ALK: variants seen among roughly 807,000 people sequenced by gnomAD.
ALK encodes ALK receptor tyrosine kinase, also known as ALK tyrosine kinase receptor.
Under a neutral mutation model 163.1 loss-of-function variants are expected in ALK, and 74 were observed. The observed-to-expected ratio is 0.45, with a 90% confidence interval of 0.38 to 0.55. ALK has a LOEUF of 0.55. Ranked by LOEUF, ALK falls within the 20% of genes least tolerant of loss-of-function variation. The pLI is 0.00. For missense variants in ALK, 2,063 were observed against 2,105.3 expected, an observed-to-expected ratio of 0.98 and a Z score of 0.39; for synonymous variants, 960 against 843.2, an observed-to-expected ratio of 1.14 and a Z score of -2.40.
At chr2:29,571,620 T>TTTTTTTTTTTTTTTTTTA (rs1674374345) in intron 3 of ALK, among the ~76,000 whole-genome samples, 1 of 113,374 alleles carries the variant, frequency 8.8e-6, no homozygotes, top group African/African-American at 3.2e-5. Flanking sequence ...TTTTTTTTTT[T>TTTTTTTTTTTTTTTTTTA]TTTTTTTTTT....
At chr2:29,218,261 C>T (rs1569157) in intron 23 of ALK, among the ~76,000 whole-genome samples, 4 of 152,276 alleles carry the variant, frequency 2.6e-5, no homozygotes, top group South Asian at 2.1e-4. Context: ...AGAGGAAAAG[C>T]GGGGCCAAGG....
At chr2:29,379,490 G>C (rs755449171) in intron 5 of ALK, among the ~76,000 whole-genome samples, 24 of 152,236 alleles carry the variant, frequency 1.6e-4, no homozygotes, top group East Asian at 1.9e-4. Flanking sequence ...CTTCAAGTTA[G>C]GATCCCAAAA....
intron 1 of ALK, among the ~76,000 whole-genome samples, chr2:29,749,359 C>T (rs1029405005): frequency 4.6e-5 from 7 of 152,218 alleles, no homozygotes; most frequent in African/African-American, 1.4e-4. Flanking sequence ...AACCCACACT[C>T]ATTATGAAAT....
At chr2:29,459,465 A>G (rs970902049) in intron 4 of ALK, among the ~76,000 whole-genome samples, 1 of 152,140 alleles carries the variant, frequency 6.6e-6, no homozygotes, top group Non-Finnish European at 1.5e-5. Context: ...ACTTGGGAAC[A>G]TAAGTCCCTA....
chr2:29,722,594 T>C (rs1679453242), intron 1 of ALK, among the ~76,000 whole-genome samples: 1 of 152,230 alleles, frequency 6.6e-6, no homozygotes, highest in South Asian at 2.1e-4. Flanking sequence ...TTGTTAAAAG[T>C]TGAAGAACTT....
chr2:29,838,009 G>T (rs1159701105), intron 1 of ALK, among the ~76,000 whole-genome samples: 1 of 151,910 alleles, frequency 6.6e-6, no homozygotes, highest in African/African-American at 2.4e-5. Context: ...ATGGAGAAAT[G>T]GTAAGCAAAA....
intron 1 of ALK, among the ~76,000 whole-genome samples, chr2:29,773,422 T>C (rs1465085055): frequency 6.6e-6 from 1 of 152,194 alleles, no homozygotes; most frequent in East Asian, 1.9e-4. Flanking sequence ...TCTCTTCCCC[T>C]CTTTACTTGT....
At chr2:29,790,632 G>A (rs543404719) in intron 1 of ALK, among the ~76,000 whole-genome samples, 1 of 152,280 alleles carries the variant, frequency 6.6e-6, no homozygotes, top group South Asian at 2.1e-4. Flanking sequence ...CACCCAGGCT[G>A]GAATGCAATG....
Position 29,531,952 on chromosome 2 carries a change from T to C in ALK, c.1117A>G (p.Arg373Gly). 6.2e-7 allele frequency: 1 copy of C among 1,614,184 alleles called. No homozygotes were observed. The highest frequency in any genetic ancestry group is 8.5e-7 in the Non-Finnish European group (1 of 1,180,014). The change falls in exon 4 of 29, where the codon AGA becomes GGA. Residue 373 changes from arginine to glycine, a missense_variant. Arg to Gly is a moderately radical substitution (Grantham distance 125). Around this residue, in one of 5 missense-constraint regions of ALK, gnomAD observed 987 missense variants for 939.5 expected, o/e 1.05. Coordinates refer to ENST00000389048, the MANE Select transcript of ALK (RefSeq NM_004304.5). Reference sequence around the variant, plus strand: ...GGAGTGGGCATCAGGAGGATCTCTCTTGCAGCCTCGTTGTGGGGCAGCAGC... The same window carrying C: ...GGAGTGGGCATCAGGAGGATCTCTCCTGCAGCCTCGTTGTGGGGCAGCAGC... Reference protein sequence around the residue: ...AQLLPHNEAAREILLMPTPGK... With the variant: ...AQLLPHNEAAGEILLMPTPGK...
At chr2:29,218,455 G>C (rs923412676) in intron 23 of ALK, among the ~76,000 whole-genome samples, 2 of 152,166 alleles carry the variant, frequency 1.3e-5, no homozygotes, top group Admixed American at 6.5e-5. Context: ...TAGTGAGAGA[G>C]AGAGAATGAT....
chr2:29,478,827 C>A (rs756326389), intron 4 of ALK, among the ~76,000 whole-genome samples: 4 of 152,124 alleles, frequency 2.6e-5, no homozygotes, highest in Non-Finnish European at 5.9e-5. Flanking sequence ...TGTGTCCCAG[C>A]TTGTGGGAAT....
chr2:29,201,438 C>G (rs1247099059), intron 26 of ALK, among the ~76,000 whole-genome samples: 1 of 152,096 alleles, frequency 6.6e-6, no homozygotes, highest in Admixed American at 6.6e-5. Flanking sequence ...CTCCGTTATC[C>G]CACACCCCTC....
rs761101687 is a variant in ALK at position 29,193,266 on chromosome 2, G to A, written c.4821C>T (p.Thr1607=). 6.2e-7 allele frequency: 1 copy of A among 1,614,146 alleles called. No homozygotes were observed. The change falls in exon 29 of 29, where the codon ACC becomes ACT. Residue 1607 remains threonine (T), a synonymous_variant. Transcript: ENST00000389048. ...TCATGCTATTCTTGCTTTTCAGAAT[G>A]GTATCCTCGTAATGACCAGCTCCAG... The part of the protein sequence containing the change: ...TAPGAGHYED[T]ILKSKNSMNQ...
intron 7 of ALK, among the ~76,000 whole-genome samples, chr2:29,319,391 C>A (rs1440512576): frequency 6.6e-6 from 1 of 152,120 alleles, no homozygotes; most frequent in East Asian, 1.9e-4. Context: ...GGCAGAGTAA[C>A]CAAGAGATCT....
intron 3 of ALK, among the ~76,000 whole-genome samples, chr2:29,608,668 T>C (rs1372126403): frequency 6.6e-6 from 1 of 152,202 alleles, no homozygotes; most frequent in East Asian, 1.9e-4. Flanking sequence ...TAGACCAGGC[T>C]CTTTCTATCA....
At chr2:29,780,166 A>T (rs1472677162) in intron 1 of ALK, among the ~76,000 whole-genome samples, 1 of 152,230 alleles carries the variant, frequency 6.6e-6, no homozygotes, top group Non-Finnish European at 1.5e-5. Context: ...TCTTGAAAAC[A>T]AAATTTTTGA....
intron 1 of ALK, among the ~76,000 whole-genome samples, chr2:29,763,776 C>T (rs771146042): frequency 6.6e-6 from 1 of 152,160 alleles, no homozygotes; most frequent in Non-Finnish European, 1.5e-5. Flanking sequence ...GAAACCTTAA[C>T]TCATGTCCCC....
At chr2:29,836,346 G>A (rs1007805574) in intron 1 of ALK, among the ~76,000 whole-genome samples, 6 of 152,180 alleles carry the variant, frequency 3.9e-5, no homozygotes, top group East Asian at 1.9e-4. Context: ...CATACTACCC[G>A]GCCATTGAAA....
chr2:29,665,059 G>A (rs994718818), intron 3 of ALK, among the ~76,000 whole-genome samples: 1 of 145,874 alleles, frequency 6.9e-6, no homozygotes, highest in Non-Finnish European at 1.5e-5. Flanking sequence ...GGAGTGCAGT[G>A]GCACCATTAT....
Sources: allele counts gnomAD v4.1 joint callset (sites outside exome capture counted in the v4.1 genomes callset), GRCh38; gene constraint gnomAD v4.1.1; regional missense constraint gnomAD v4.1.1; transcripts MANE v1.5; gene names NCBI Gene and HGNC (gene_info 2026-07-23, HGNC 2026-07-21).